Variants in TENM2 observed in about 807,000 individuals in gnomAD.
TENM2 encodes the protein teneurin transmembrane protein 2.
Under a neutral mutation model 245.2 loss-of-function variants are expected in TENM2, and 52 were observed. That is an observed-to-expected ratio of 0.21 (90% CI 0.17 to 0.27). The LOEUF is 0.27. Ranked by LOEUF, TENM2 falls within the 10% of genes least tolerant of loss-of-function variation. TENM2 has a pLI of 1.00. For synonymous variants in TENM2, 1,363 were observed against 1,438.9 expected (o/e 0.95, Z 1.19); for missense variants, 3,046 against 3,666.8 (o/e 0.83, Z 4.37).
chr5:167,651,658 G>A (rs994391843), intron 2 of TENM2, among the ~76,000 whole-genome samples: 1 of 152,088 alleles, frequency 6.6e-6, no homozygotes, highest in Non-Finnish European at 1.5e-5. Flanking sequence ...AGGCTACATG[G>A]TAGAATGGGA....
the TENM2 span, among the ~76,000 whole-genome samples, chr5:167,036,785 C>T: frequency 1.3e-5 from 2 of 152,098 alleles, no homozygotes; most frequent in African/African-American, 4.8e-5. Context: ...TTTAGCTGTC[C>T]TGCTTTCCAA....
At chr5:168,130,031 A>C (rs1050081998) in intron 12 of TENM2, 5 of 152,198 alleles carry the variant, frequency 3.3e-5, no homozygotes, top group Non-Finnish European at 1.5e-5. Flanking sequence ...GGGTCATTGC[A>C]AATAGTCAAC....
At chr5:168,021,669 A>T (rs1333180663) in intron 5 of TENM2, among the ~76,000 whole-genome samples, 1 of 152,236 alleles carries the variant, frequency 6.6e-6, no homozygotes, top group South Asian at 2.1e-4. Context: ...TGCACACTCA[A>T]GTTTCATAAG....
At chr5:168,004,943 C>A (rs1018201150) in intron 5 of TENM2, among the ~76,000 whole-genome samples, 1 of 152,052 alleles carries the variant, frequency 6.6e-6, no homozygotes, top group Admixed American at 6.5e-5. Context: ...ACTCTTGTCC[C>A]CATCCCCTCA....
chr5:168,121,971 T>C (rs2569053), intron 10 of TENM2, among the ~76,000 whole-genome samples: 129,243 of 152,212 alleles, frequency 0.85, 55,180 homozygotes, highest in East Asian at 0.97. Context: ...CGATTTTTTT[T>C]CAAAAGCAAG....
intron 1 of TENM2, among the ~76,000 whole-genome samples, chr5:167,322,121 C>T (rs542447713): frequency 1.0e-3 from 155 of 152,092 alleles, no homozygotes; most frequent in African/African-American, 3.5e-3. Flanking sequence ...CTTGAGCCAC[C>T]GCACCCGGCT....
At chr5:167,182,904 A>T in the TENM2 span, among the ~76,000 whole-genome samples, 1 of 152,184 alleles carries the variant, frequency 6.6e-6, no homozygotes, top group Non-Finnish European at 1.5e-5. Flanking sequence ...ATTTTTAAAT[A>T]TTTACAACTA....
chr5:168,118,068 A>G (rs919811319), intron 9 of TENM2, among the ~76,000 whole-genome samples: 2 of 152,188 alleles, frequency 1.3e-5, no homozygotes, highest in African/African-American at 2.4e-5. Flanking sequence ...TTCTTTCTAT[A>G]CCGTGCCCAG....
intron 2 of TENM2, among the ~76,000 whole-genome samples, chr5:167,465,261 C>T (rs1561978938): frequency 6.6e-6 from 1 of 152,120 alleles, no homozygotes; most frequent in Non-Finnish European, 1.5e-5. Context: ...TCCCATGTAA[C>T]GGAGTTTCTG....
At chr5:167,329,402 A>T (rs1423679841) in intron 1 of TENM2, among the ~76,000 whole-genome samples, 1 of 150,394 alleles carries the variant, frequency 6.6e-6, no homozygotes, top group African/African-American at 2.4e-5. Context: ...AAAAAAAAAA[A>T]ATAGCCTGGC....
intron 23 of TENM2, among the ~76,000 whole-genome samples, chr5:168,225,498 C>A (rs1183078378): frequency 6.6e-6 from 1 of 152,196 alleles, no homozygotes; most frequent in Non-Finnish European, 1.5e-5. Context: ...GCGTGGCTCA[C>A]GCCTGTAATT....
At chr5:167,050,628 A>T in the TENM2 span, among the ~76,000 whole-genome samples, 1 of 152,290 alleles carries the variant, frequency 6.6e-6, no homozygotes, top group East Asian at 1.9e-4. Flanking sequence ...CCCTAGAGAC[A>T]AATTATTGAG....
At chr5:167,502,297 G>A (rs1769260532) in intron 2 of TENM2, among the ~76,000 whole-genome samples, 1 of 152,062 alleles carries the variant, frequency 6.6e-6, no homozygotes, top group Non-Finnish European at 1.5e-5. Flanking sequence ...TAAGAATTAG[G>A]ACTATAAGCA....
chr5:167,609,230 A>G (rs1173754999), intron 2 of TENM2, among the ~76,000 whole-genome samples: 1 of 152,130 alleles, frequency 6.6e-6, no homozygotes, highest in African/African-American at 2.4e-5. Flanking sequence ...AGATAACAAA[A>G]CTGAGAATGA....
chr5:167,832,035 G>A (rs1161577832), intron 2 of TENM2, among the ~76,000 whole-genome samples: 1 of 151,670 alleles, frequency 6.6e-6, no homozygotes, highest in Non-Finnish European at 1.5e-5. Flanking sequence ...TCAATAAACA[G>A]CTTGATTACT....
intron 5 of TENM2, among the ~76,000 whole-genome samples, chr5:168,009,529 A>G (rs1423171818): frequency 2.6e-5 from 4 of 152,064 alleles, no homozygotes; most frequent in South Asian, 2.1e-4. Context: ...TCTCCACCAC[A>G]CTGAAGTCTC....
At chr5:168,120,790 T>C (rs1300107488) in intron 10 of TENM2, among the ~76,000 whole-genome samples, 1 of 152,260 alleles carries the variant, frequency 6.6e-6, no homozygotes, top group South Asian at 2.1e-4. Flanking sequence ...ATTTCTGATA[T>C]TCGTCATAGT....
At position 167,483,373 on chromosome 5, in the gene TENM2, G is replaced by A. The variant is rs946268266; in HGVS notation, c.502+107900G>A. ...AAAGATAGTCTCAGATGCATAATCA[G>A]ATGAATGGACCATGCAGAAACGCTG... On this transcript the variant is annotated intron_variant, in intron 2 of 28. Transcript: ENST00000518659. Among the ~76,000 whole-genome samples, 50 of 152,298 alleles carry A rather than the reference G, an allele frequency of 3.3e-4. 1 individual carries two copies. The highest frequency in any genetic ancestry group is 4.1e-4 in the South Asian group (2 of 4,826).
chr5:167,620,521 C>A (rs566945286), intron 2 of TENM2, among the ~76,000 whole-genome samples: 78 of 142,102 alleles, frequency 5.5e-4, no homozygotes, highest in African/African-American at 2.0e-3. Flanking sequence ...CTAACTTAAA[C>A]CCTGTTGGCT....
Sources: allele counts gnomAD v4.1 joint callset (sites outside exome capture counted in the v4.1 genomes callset), GRCh38; gene constraint gnomAD v4.1.1; transcripts MANE v1.5; gene names NCBI Gene and HGNC (gene_info 2026-07-23, HGNC 2026-07-21).